Variants in EBF1 observed in about 807,000 individuals in gnomAD.
The protein encoded by EBF1 is transcription factor COE1.
EBF1 carries 10 observed loss-of-function variants against 68.4 expected under a neutral mutation model. That is an observed-to-expected ratio of 0.15 (90% CI 0.09 to 0.25). The LOEUF (loss-of-function observed/expected upper bound fraction) is 0.25, where lower values mean the gene tolerates loss of function less well. EBF1 is among the 10% of genes least tolerant of loss of function. The pLI is 1.00. For synonymous variants in EBF1, 298 were observed against 299.8 expected (o/e 0.99, Z 0.06); for missense variants, 509 against 794.4 (o/e 0.64, Z 4.32).
At chr5:158,773,257 A>G (rs1774271506) in intron 10 of EBF1, among the ~76,000 whole-genome samples, 2 of 152,182 alleles carry the variant, frequency 1.3e-5, no homozygotes, top group Non-Finnish European at 2.9e-5. Context: ...AGCCCCTCCT[A>G]TGTGCAAAGC....
chr5:158,813,241 T>A (rs1490514532), intron 8 of EBF1, among the ~76,000 whole-genome samples: 2 of 152,298 alleles, frequency 1.3e-5, no homozygotes, highest in Middle Eastern at 3.4e-3. Flanking sequence ...TTGGAGTTAT[T>A]GTTTTGTTTA....
chr5:158,761,416 T>G (rs1012325510), intron 10 of EBF1, among the ~76,000 whole-genome samples: 1 of 152,222 alleles, frequency 6.6e-6, no homozygotes. Flanking sequence ...AGTTCCGGGA[T>G]GACTTGAGTT....
In EBF1 at chr5:158,914,798, C is replaced by T. The variant is rs1045696698; in HGVS notation, c.555-74688G>A. Among the ~76,000 whole-genome samples the T allele has an allele frequency of 4.6e-5, 7 of 152,126 alleles. No individual in the cohort carries two copies. The East Asian group carries it at 9.6e-4, about 21-fold the overall frequency. ...CGGTGTTTGTTGAACAAATTAAGCACGTTCTGGTTTTTCACCTGCTGAAGT... is the reference window on the plus strand; with the variant it reads ...CGGTGTTTGTTGAACAAATTAAGCATGTTCTGGTTTTTCACCTGCTGAAGT... On this transcript the variant is annotated intron_variant, in intron 6 of 15. Coordinates refer to ENST00000313708, the MANE Select transcript of EBF1 (RefSeq NM_024007.5).
rs1293945855 is a variant in EBF1 at position 159,097,145 on chromosome 5, G to A, written c.135-15C>T. 1 of 1,612,052 alleles carries A rather than the reference G, an allele frequency of 6.2e-7. No individual in the cohort carries two copies. The highest frequency in any genetic ancestry group is 2.2e-5 in the East Asian group (1 of 44,832). ...GACCCACCCCGCTGCGGCCAAAGAC[G>A]CAGAGTTAGATGGCTAAACCGGACG... is the stretch of plus-strand genomic sequence containing the variant. On this transcript the variant is annotated splice_polypyrimidine_tract_variant and intron_variant, in intron 1 of 15. Transcript: ENST00000313708.
chr5:158,837,519 T>C (rs1156364206), intron 7 of EBF1, among the ~76,000 whole-genome samples: 1 of 152,226 alleles, frequency 6.6e-6, no homozygotes, highest in East Asian at 1.9e-4. Flanking sequence ...CTCCAAAGGA[T>C]TATAAGACTT....
In EBF1 at chr5:158,966,555, C is replaced by T. The variant is rs566408010; in HGVS notation, c.554+106841G>A. On this transcript the variant is annotated intron_variant, in intron 6 of 15. Coordinates refer to ENST00000313708, the MANE Select transcript of EBF1 (RefSeq NM_024007.5). ...AGAAATATCAATAAACTGGAATTGG[C>T]GATAAATGATTCACCCCGACAAAAA... 2.6e-5 allele frequency among the ~76,000 whole-genome samples: 4 copies of T among 152,156 alleles called. No individual in the cohort carries two copies. In the South Asian group the frequency reaches 6.2e-4, roughly 24 times the overall value.
In EBF1 at chr5:158,956,018, A is replaced by C. The variant is rs555526141; in HGVS notation, c.555-115908T>G. Among the ~76,000 whole-genome samples the C allele has an allele frequency of 2.7e-5, 4 of 145,766 alleles. No individual in the cohort carries two copies. The East Asian group carries it at 6.0e-4, about 22-fold the overall frequency. Reference sequence around the variant, plus strand: ...ATATGCCAGATACTGCATTAATTAAATAAATATAAATGTGTGTGTGTGTGT... The same window carrying C: ...ATATGCCAGATACTGCATTAATTAACTAAATATAAATGTGTGTGTGTGTGT... On this transcript the variant is annotated intron_variant, in intron 6 of 15. Coordinates refer to ENST00000313708, the MANE Select transcript of EBF1 (RefSeq NM_024007.5).
At chr5:158,807,577 C>G (rs1344845758) in intron 8 of EBF1, among the ~76,000 whole-genome samples, 1 of 152,116 alleles carries the variant, frequency 6.6e-6, no homozygotes, top group Non-Finnish European at 1.5e-5. Context: ...TCATGATCTA[C>G]CACTGTGCAA....
intron 3 of EBF1, chr5:159,096,134 A>G: frequency 1.7e-6 from 1 of 598,284 alleles, no homozygotes; most frequent in Admixed American, 3.0e-5. Flanking sequence ...ACCTGGCCCC[A>G]GGTAAACGCG....
intron 6 of EBF1, among the ~76,000 whole-genome samples, chr5:158,985,276 C>G (rs551883023): frequency 1.3e-5 from 2 of 152,268 alleles, no homozygotes; most frequent in East Asian, 1.9e-4. Flanking sequence ...GCCTAACCAG[C>G]TTTGGGACCA....
intron 6 of EBF1, among the ~76,000 whole-genome samples, chr5:158,917,415 C>T (rs1807445132): frequency 6.6e-6 from 1 of 152,166 alleles, no homozygotes; most frequent in Admixed American, 6.5e-5. Context: ...TGTAAACCTC[C>T]AAAGTAATAA....
intron 6 of EBF1, among the ~76,000 whole-genome samples, chr5:158,881,746 T>C (rs1285941025): frequency 2.6e-5 from 4 of 152,186 alleles, no homozygotes; most frequent in Non-Finnish European, 5.9e-5. Flanking sequence ...GGGGGATGTT[T>C]GCTTCCTTGG....
intron 6 of EBF1, among the ~76,000 whole-genome samples, chr5:158,951,658 G>T (rs1816024187): frequency 6.6e-6 from 1 of 152,190 alleles, no homozygotes; most frequent in South Asian, 2.1e-4. Flanking sequence ...AGGACAAGCT[G>T]CCACACAGCT....
In EBF1 at chr5:158,712,991, C is replaced by A; in HGVS notation, c.1348G>T (p.Ala450Ser). The A allele has an allele frequency of 6.6e-7, 1 of 1,507,562 alleles. No homozygotes were observed. The allele number at this position is 1,507,562 out of a possible 1,614,324, so 93.4% of individuals were successfully genotyped here. A position where few individuals can be genotyped will look rare whatever the true frequency, so the allele number is the denominator to read the frequency against. The change falls in exon 13 of 16, where the codon GCA becomes TCA. Residue 450 changes from alanine (A) to serine (S), a missense_variant. Ala to Ser is a moderately conservative substitution (Grantham distance 99). Coordinates refer to ENST00000313708, the MANE Select transcript of EBF1 (RefSeq NM_024007.5). ...SGQLAVNVSE[A>S]SQATNQGFTR... is the part of the protein sequence containing the mutation. ...TGACCCTGATTGGTGGCTTGTGATG[C>A]CTCGGAGACATTCACGGCCAGTTGT...
At chr5:158,860,442 C>T (rs1363689276) in intron 6 of EBF1, among the ~76,000 whole-genome samples, 1 of 152,160 alleles carries the variant, frequency 6.6e-6, no homozygotes, top group Non-Finnish European at 1.5e-5. Context: ...CTCACCCTGG[C>T]TTCTGACATA....
chr5:158,776,195 T>C (rs1007302385), intron 10 of EBF1, among the ~76,000 whole-genome samples: 26 of 152,146 alleles, frequency 1.7e-4, no homozygotes, highest in African/African-American at 6.3e-4. Flanking sequence ...GGGTCAATCC[T>C]ATAATTTTCA....
intron 14 of EBF1, among the ~76,000 whole-genome samples, chr5:158,709,326 T>A (rs1372269738): frequency 1.4e-5 from 2 of 138,122 alleles, no homozygotes; most frequent in East Asian, 3.9e-4. Context: ...CTATCACATA[T>A]ATTTTTTTTT....
At chr5:158,735,778 G>C (rs945479832) in intron 10 of EBF1, among the ~76,000 whole-genome samples, 1 of 152,088 alleles carries the variant, frequency 6.6e-6, no homozygotes, top group Admixed American at 6.5e-5. Flanking sequence ...GGTTCCTTCC[G>C]GATCTCATCA....
intron 15 of EBF1, among the ~76,000 whole-genome samples, chr5:158,704,806 G>C (rs974527699): frequency 9.9e-5 from 15 of 152,166 alleles, no homozygotes; most frequent in African/African-American, 3.6e-4. Flanking sequence ...GGCTAAAGAG[G>C]CAAGTCCCAG....
Sources: allele counts gnomAD v4.1 joint callset (sites outside exome capture counted in the v4.1 genomes callset), GRCh38; gene constraint gnomAD v4.1.1; transcripts MANE v1.5; gene names NCBI Gene and HGNC (gene_info 2026-07-23, HGNC 2026-07-21).